Variants in FBXO36 observed in about 807,000 individuals in gnomAD.
FBXO36 encodes the protein F-box protein 36, also known as F-box only protein 36.
In FBXO36, 18 loss-of-function variants were observed where a neutral mutation model predicts 17.0. The ratio of observed to expected loss-of-function variants is 1.06; its 90% CI spans 0.73 to 1.57. FBXO36 has a LOEUF of 1.57. Among genes scored for constraint, FBXO36 ranks in the 40% most tolerant of loss-of-function variants. The probability of loss-of-function intolerance (pLI) is 0.00; values close to 1 mark genes in which losing one functional copy is unlikely to be tolerated. For synonymous variants in FBXO36, 83 were observed against 85.3 expected (o/e 0.97, Z 0.15); for missense variants, 229 against 221.9 (o/e 1.03, Z -0.20).
At chr2:229,953,078 C>T (rs1037079557) in intron 1 of FBXO36, among the ~76,000 whole-genome samples, 3 of 152,316 alleles carry the variant, frequency 2.0e-5, no homozygotes, top group South Asian at 2.1e-4. Flanking sequence ...TGGCTCACGC[C>T]TGTAATCCCA....
intron 1 of FBXO36, among the ~76,000 whole-genome samples, chr2:229,938,159 G>C (rs960430081): frequency 6.6e-6 from 1 of 150,998 alleles, no homozygotes; most frequent in African/African-American, 2.4e-5. Flanking sequence ...TGTAGAGATG[G>C]GGTTGTAGAG....
At chr2:229,993,971 A>G (rs544305100) in intron 2 of FBXO36, among the ~76,000 whole-genome samples, 10 of 150,982 alleles carry the variant, frequency 6.6e-5, no homozygotes, top group Non-Finnish European at 8.9e-5. Flanking sequence ...ACAGGGATTC[A>G]CTGTGTTAGC....
chr2:229,980,583 AG>A (rs1234992275), intron 2 of FBXO36, among the ~76,000 whole-genome samples: 1 of 151,136 alleles, frequency 6.6e-6, no homozygotes, highest in Non-Finnish European at 1.5e-5. Flanking sequence ...GCACCTTCCA[AG>A]CCCTGCCCTT....
chr2:229,974,369 T>C (rs1280863748), intron 1 of FBXO36, among the ~76,000 whole-genome samples: 1 of 152,152 alleles, frequency 6.6e-6, no homozygotes, highest in East Asian at 1.9e-4. Flanking sequence ...GAAGCTTATC[T>C]GTGTGTGTGA....
At chr2:230,006,362 C>T (rs1200704445) in intron 3 of FBXO36, among the ~76,000 whole-genome samples, 2 of 152,142 alleles carry the variant, frequency 1.3e-5, no homozygotes, top group Admixed American at 1.3e-4. Context: ...TCCCAAAGTG[C>T]TGGGATTACA....
chr2:229,981,484 T>A (rs943751092), intron 2 of FBXO36, among the ~76,000 whole-genome samples: 3 of 151,396 alleles, frequency 2.0e-5, no homozygotes, highest in Non-Finnish European at 4.4e-5. Context: ...CTTAAGCGGA[T>A]CACTTGAAGC....
At chr2:229,935,535 T>A (rs936433840) in intron 1 of FBXO36, among the ~76,000 whole-genome samples, 3 of 151,728 alleles carry the variant, frequency 2.0e-5, no homozygotes, top group Admixed American at 6.6e-5. Flanking sequence ...TAAATAAAAA[T>A]AATAATAATA....
chr2:230,009,546 T>A (rs1030286014), intron 3 of FBXO36, among the ~76,000 whole-genome samples: 1 of 152,180 alleles, frequency 6.6e-6, no homozygotes, highest in Non-Finnish European at 1.5e-5. Context: ...CTTGCAGGAA[T>A]TGGAGAAGGT....
intron 2 of FBXO36, 76 bp from the exon 3 acceptor site, chr2:229,996,675 C>A: frequency 6.9e-7 from 1 of 1,452,702 alleles, no homozygotes. Flanking sequence ...TGCCCTGAAG[C>A]TTGTATTTCA....
intron 1 of FBXO36, among the ~76,000 whole-genome samples, chr2:229,927,938 A>G (rs1382803740): frequency 4.6e-5 from 7 of 152,314 alleles, no homozygotes; most frequent in African/African-American, 1.7e-4. Flanking sequence ...GCTGGGCGAG[A>G]GACAACAAAA....
At chr2:229,951,327 T>C (rs2077056848) in intron 1 of FBXO36, among the ~76,000 whole-genome samples, 1 of 150,992 alleles carries the variant, frequency 6.6e-6, no homozygotes, top group South Asian at 2.1e-4. Context: ...CACTACAACC[T>C]CCGCCTCCTG....
At position 229,964,814 on chromosome 2, in the gene FBXO36, CG is replaced by C. The variant is rs1449642427; in HGVS notation, c.97-11425del. Reference sequence around the variant, plus strand: ...GATTACAGGCGTGAGCCACCGCGCCCGGTGCGTGTATCAGTATTTCTTTTTA... The same window carrying C: ...GATTACAGGCGTGAGCCACCGCGCCCGTGCGTGTATCAGTATTTCTTTTTA... On this transcript the variant is annotated intron_variant, in intron 1 of 3. Transcript: ENST00000283946. Among the ~76,000 whole-genome samples, 3 of 152,140 alleles carry C rather than the reference CG, an allele frequency of 2.0e-5. No individual in the cohort carries two copies. The East Asian group carries it at 5.8e-4, about 29-fold the overall frequency.
chr2:229,955,528 AAGAG>A (rs1029321980), intron 1 of FBXO36, among the ~76,000 whole-genome samples: 6 of 152,036 alleles, frequency 3.9e-5, no homozygotes, highest in Middle Eastern at 3.4e-3. Flanking sequence ...AAAAAAAAAA[AAGAG>A]AGAGAAATAT....
rs201882610 is a variant in FBXO36 at position 230,002,366 on chromosome 2, TC to T, written c.378+5450del. ...AGTAATTAAATCTTTCTCTGTTTTTTCCCCCCCGTACGTTAATTTTTTTTTT... is the reference window on the plus strand; with the variant it reads ...AGTAATTAAATCTTTCTCTGTTTTTTCCCCCCGTACGTTAATTTTTTTTTT... On this transcript the variant is annotated intron_variant, in intron 3 of 3. Transcript: ENST00000283946. 4.7e-4 allele frequency among the ~76,000 whole-genome samples: 71 copies of T among 151,634 alleles called. 1 individual carries two copies. In the East Asian group the frequency reaches 0.01, roughly 22 times the overall value.
intron 1 of FBXO36, among the ~76,000 whole-genome samples, chr2:229,967,454 C>T (rs2077159177): frequency 6.6e-6 from 1 of 152,140 alleles, no homozygotes; most frequent in African/African-American, 2.4e-5. Flanking sequence ...CTGTCTTGTG[C>T]CAGTTTCCAA....
At chr2:229,998,577 G>A (rs1176499065) in intron 3 of FBXO36, among the ~76,000 whole-genome samples, 4 of 151,434 alleles carry the variant, frequency 2.6e-5, no homozygotes, top group African/African-American at 4.9e-5. Flanking sequence ...AGCCAAGATC[G>A]TGCCATTGCA....
intron 1 of FBXO36, among the ~76,000 whole-genome samples, chr2:229,960,034 G>A (rs2077112279): frequency 6.6e-6 from 1 of 151,982 alleles, no homozygotes; most frequent in East Asian, 1.9e-4. Flanking sequence ...CATGCATAAT[G>A]ATTCTTAGTG....
At chr2:229,940,674 A>G (rs2106162086) in intron 1 of FBXO36, among the ~76,000 whole-genome samples, 1 of 152,310 alleles carries the variant, frequency 6.6e-6, no homozygotes, top group East Asian at 1.9e-4. Context: ...ACACACAGAA[A>G]GCCATGTGAT....
At chr2:229,925,779 T>G (rs1209756477) in intron 1 of FBXO36, among the ~76,000 whole-genome samples, 1 of 152,220 alleles carries the variant, frequency 6.6e-6, no homozygotes, top group African/African-American at 2.4e-5. Flanking sequence ...AACATTTTCT[T>G]TGTTTATATA....
Sources: allele counts gnomAD v4.1 joint callset (sites outside exome capture counted in the v4.1 genomes callset), GRCh38; gene constraint gnomAD v4.1.1; transcripts MANE v1.5; gene names NCBI Gene and HGNC (gene_info 2026-07-23, HGNC 2026-07-21).